Variants in RPSA2 observed in about 807,000 individuals in gnomAD.
RPSA2 encodes ribosomal protein SA 2.
At chr19:23,838,987 T>C in the RPSA2 span, among the ~76,000 whole-genome samples, 2 of 152,170 alleles carry the variant, frequency 1.3e-5, no homozygotes, top group African/African-American at 4.8e-5. Flanking sequence ...TCCTTTTTTT[T>C]CTGCTGGGTT....
the RPSA2 span, among the ~76,000 whole-genome samples, chr19:23,765,454 C>G: frequency 1.1e-4 from 1 of 8,874 alleles, no homozygotes; most frequent in Non-Finnish European, 1.6e-3. Flanking sequence ...TACTGTGCAT[C>G]TATAAAAAAA....
the RPSA2 span, among the ~76,000 whole-genome samples, chr19:23,830,051 G>GTTTTTTTTT: frequency 6.7e-6 from 1 of 148,270 alleles, no homozygotes; most frequent in Non-Finnish European, 1.5e-5. Context: ...ACTTTGGAAG[G>GTTTTTTTTT]TTTTTTTTTT....
At chr19:23,857,827 A>T in the RPSA2 span, among the ~76,000 whole-genome samples, 1 of 151,562 alleles carries the variant, frequency 6.6e-6, no homozygotes, top group Non-Finnish European at 1.5e-5. Flanking sequence ...CATTTCAATA[A>T]TTTTTTTTTC....
At chr19:23,849,359 A>G in the RPSA2 span, among the ~76,000 whole-genome samples, 1 of 139,388 alleles carries the variant, frequency 7.2e-6, no homozygotes, top group African/African-American at 2.7e-5. Flanking sequence ...GATTGAGAAG[A>G]ATTATAATGC....
At chr19:23,767,193 C>A in the RPSA2 span, among the ~76,000 whole-genome samples, 1 of 152,100 alleles carries the variant, frequency 6.6e-6, no homozygotes, top group East Asian at 1.9e-4. Context: ...CCACCTGCCT[C>A]GCCCTCCCAA....
chr19:23,759,163 A>AT, the RPSA2 span, among the ~76,000 whole-genome samples: 1 of 152,096 alleles, frequency 6.6e-6, no homozygotes, highest in Non-Finnish European at 1.5e-5. Flanking sequence ...TGCATTTCAA[A>AT]TAATATACTA....
At chr19:23,866,035 G>T in the RPSA2 span, among the ~76,000 whole-genome samples, 3 of 152,124 alleles carry the variant, frequency 2.0e-5, no homozygotes, top group South Asian at 2.1e-4. Flanking sequence ...AGGCAGAATC[G>T]CACCGCTCTT....
the RPSA2 span, among the ~76,000 whole-genome samples, chr19:23,802,565 A>G: frequency 1.3e-5 from 2 of 152,272 alleles, no homozygotes; most frequent in Admixed American, 1.3e-4. Flanking sequence ...CTTACTGTAA[A>G]AGAAATGAAT....
At chr19:23,810,209 C>T in the RPSA2 span, among the ~76,000 whole-genome samples, 4 of 151,906 alleles carry the variant, frequency 2.6e-5, no homozygotes, top group South Asian at 4.2e-4. Flanking sequence ...CTGGCTAACT[C>T]GGTGAAACCC....
chr19:23,818,796 T>A, the RPSA2 span: 1 of 152,628 alleles, frequency 6.6e-6, no homozygotes, highest in African/African-American at 2.4e-5. Context: ...AACCTCCAAC[T>A]AGGTTCTAGG....
chr19:23,865,907 G>A, the RPSA2 span, among the ~76,000 whole-genome samples: 1 of 152,234 alleles, frequency 6.6e-6, no homozygotes, highest in Non-Finnish European at 1.5e-5. Flanking sequence ...TAGAATCGGT[G>A]TTCAGAGCCA....
chr19:23,769,543 C>G, the RPSA2 span, among the ~76,000 whole-genome samples: 1 of 152,164 alleles, frequency 6.6e-6, no homozygotes, highest in Non-Finnish European at 1.5e-5. Context: ...GAGGTTTCAC[C>G]ATGTTGGCCA....
the RPSA2 span, among the ~76,000 whole-genome samples, chr19:23,848,438 C>T: frequency 6.6e-6 from 1 of 152,206 alleles, no homozygotes; most frequent in Non-Finnish European, 1.5e-5. Context: ...AATGGAGCCC[C>T]TGGTAGACTT....
chr19:23,806,001 G>GTCTATCTATCTA, the RPSA2 span, among the ~76,000 whole-genome samples: 55 of 132,788 alleles, frequency 4.1e-4, no homozygotes, highest in African/African-American at 1.6e-3. Flanking sequence ...CTATCTGTCT[G>GTCTATCTATCTA]TCTATCTATC....
chr19:23,801,476 C>T, the RPSA2 span, among the ~76,000 whole-genome samples: 1 of 152,140 alleles, frequency 6.6e-6, no homozygotes, highest in South Asian at 2.1e-4. Flanking sequence ...CTCTTGACTT[C>T]GTGATCCACT....
the RPSA2 span, chr19:23,843,315 G>A: frequency 6.1e-6 from 1 of 163,852 alleles, no homozygotes; most frequent in South Asian, 1.6e-4. Context: ...CAGACAAGAG[G>A]TACAAAGGTC....
At chr19:23,761,904 CTTT>C in the RPSA2 span, among the ~76,000 whole-genome samples, 1 of 26,642 alleles carries the variant, frequency 3.8e-5, no homozygotes, top group African/African-American at 1.2e-4. Flanking sequence ...TAACGTAATT[CTTT>C]CTTTCTTTCT....
the RPSA2 span, chr19:23,790,720 C>A: frequency 2.3e-6 from 1 of 443,488 alleles, no homozygotes; most frequent in Non-Finnish European, 4.3e-6. Context: ...CTGTGACCTG[C>A]AGGTACTGGA....
chr19:23,799,323 A>T, the RPSA2 span: 5 of 152,392 alleles, frequency 3.3e-5, no homozygotes, highest in South Asian at 8.3e-4. Context: ...TGTCACAGTG[A>T]GAACTCTTGG....
Sources: allele counts gnomAD v4.1 joint callset (sites outside exome capture counted in the v4.1 genomes callset), GRCh38; gene constraint gnomAD v4.1.1; transcripts MANE v1.5; gene names NCBI Gene and HGNC (gene_info 2026-07-23, HGNC 2026-07-21).